Variants in TANC2 observed in about 807,000 individuals in gnomAD.
TANC2 encodes tetratricopeptide repeat, ankyrin repeat and coiled-coil containing 2, also known as protein TANC2.
TANC2 carries 26 observed loss-of-function variants against 210.5 expected under a neutral mutation model. The observed-to-expected ratio is 0.12, with a 90% CI of 0.09 to 0.17. The LOEUF (loss-of-function observed/expected upper bound fraction) is 0.17, where lower values mean the gene tolerates loss of function less well. TANC2 is among the 10% of genes least tolerant of loss of function. TANC2 has a pLI of 1.00. For synonymous variants in TANC2, 931 were observed against 967.1 expected (o/e 0.96, Z 0.69); for missense variants, 2,129 against 2,608.9 (o/e 0.82, Z 4.01).
intron 1 of TANC2, among the ~76,000 whole-genome samples, chr17:63,002,824 C>T (rs2033448060): frequency 6.6e-6 from 1 of 152,192 alleles, no homozygotes; most frequent in South Asian, 2.1e-4. Context: ...GTAGTTCATT[C>T]CTTTTTCTTG....
At chr17:62,986,691 G>A (rs1447234145) in intron 1 of TANC2, among the ~76,000 whole-genome samples, 1 of 152,176 alleles carries the variant, frequency 6.6e-6, no homozygotes, top group Non-Finnish European at 1.5e-5. Flanking sequence ...GGCCCACAGG[G>A]CTGCTTCAAA....
exon 12 of TANC2, chr17:63,340,184 C>T: frequency 6.2e-7 from 1 of 1,613,970 alleles, no homozygotes; most frequent in Non-Finnish European, 8.5e-7. Context: ...CTGCCTTGCT[C>T]TGCCGCTCAC....
At chr17:63,255,558 G>C (rs1266335835) in intron 8 of TANC2, among the ~76,000 whole-genome samples, 7 of 152,044 alleles carry the variant, frequency 4.6e-5, no homozygotes, top group Non-Finnish European at 1.0e-4. Flanking sequence ...TGTATGTTGA[G>C]GAATTTATCC....
rs1599094512 is a variant in TANC2, at chr17:63,420,600, C to T, written c.4870C>T (p.Pro1624Ser). The T allele has an allele frequency of 6.2e-7, 1 of 1,613,888 alleles. No homozygotes were observed. The highest frequency in any genetic ancestry group is 8.5e-7 in the Non-Finnish European group (1 of 1,179,828). Reference sequence around the variant, plus strand: ...TCCCCCTTCCCCTCTCCGGAGAGGCCCTCAGTATCGGGCCAGCCCTCCAGC... The same window carrying T: ...TCCCCCTTCCCCTCTCCGGAGAGGCTCTCAGTATCGGGCCAGCCCTCCAGC... Residue 1624 changes from proline (P) to serine (S), a missense_variant, in exon 28 of 28, where the codon CCT becomes TCT. Transcript: ENST00000689528. This position sits in a 1 kb window ranked among gnomAD's most constrained non-coding sequence, Gnocchi z 4.2.
intron 7 of TANC2, among the ~76,000 whole-genome samples, chr17:63,210,559 T>C (rs900178460): frequency 6.6e-6 from 1 of 152,212 alleles, no homozygotes; most frequent in African/African-American, 2.4e-5. Flanking sequence ...ACTCTCGGGA[T>C]TTAGCATAAT....
At chr17:63,310,490 T>G (rs2045085029) in intron 9 of TANC2, among the ~76,000 whole-genome samples, 1 of 151,888 alleles carries the variant, frequency 6.6e-6, no homozygotes, top group South Asian at 2.1e-4. Flanking sequence ...AAAGAAAAAT[T>G]TTAAAGGCAA....
intron 9 of TANC2, among the ~76,000 whole-genome samples, chr17:63,277,176 T>C (rs2043903294): frequency 6.6e-6 from 1 of 152,146 alleles, no homozygotes; most frequent in Admixed American, 6.6e-5. Flanking sequence ...GACCAGACCC[T>C]GAGGGTTCAG....
intron 5 of TANC2, among the ~76,000 whole-genome samples, chr17:63,192,817 CTAAA>C (rs1187316077): frequency 2.0e-5 from 3 of 152,110 alleles, no homozygotes; most frequent in Admixed American, 6.6e-5. Flanking sequence ...TAAGTATATG[CTAAA>C]TAAATATATA....
chr17:63,171,617 T>G (rs1300649314), intron 5 of TANC2, among the ~76,000 whole-genome samples: 4 of 152,162 alleles, frequency 2.6e-5, no homozygotes, highest in Admixed American at 1.3e-4. Context: ...TAAAATACAG[T>G]CTAGATTTCT....
chr17:63,075,565 G>C (rs921729171), intron 3 of TANC2, among the ~76,000 whole-genome samples: 6 of 151,936 alleles, frequency 3.9e-5, no homozygotes, highest in African/African-American at 1.2e-4. Flanking sequence ...TTGCTTTGTC[G>C]CCTAGGCTGG....
intron 2 of TANC2, among the ~76,000 whole-genome samples, chr17:63,036,400 G>A (rs960645153): frequency 3.9e-5 from 6 of 152,208 alleles, no homozygotes; most frequent in African/African-American, 1.4e-4. Context: ...CTTTTGCACT[G>A]TTGTTAAAAA....
At chr17:63,031,667 C>T (rs1297931847) in intron 2 of TANC2, among the ~76,000 whole-genome samples, 1 of 152,038 alleles carries the variant, frequency 6.6e-6, no homozygotes, top group East Asian at 1.9e-4. Context: ...GTTATTTTTC[C>T]ATCCCTGATT....
At chr17:63,007,502 T>C (rs1315646953) in intron 1 of TANC2, among the ~76,000 whole-genome samples, 2 of 152,206 alleles carry the variant, frequency 1.3e-5, no homozygotes, top group Non-Finnish European at 2.9e-5. Flanking sequence ...TTGTCTTACA[T>C]TTATCCACAG....
intron 26 of TANC2, among the ~76,000 whole-genome samples, chr17:63,416,169 G>T (rs551751701): frequency 6.6e-6 from 1 of 152,260 alleles, no homozygotes; most frequent in Admixed American, 6.5e-5. Flanking sequence ...ATCCCAGCAT[G>T]CTATGTCCCT....
chr17:63,131,705 C>T (rs564393578), intron 4 of TANC2, among the ~76,000 whole-genome samples: 1 of 152,264 alleles, frequency 6.6e-6, no homozygotes, highest in East Asian at 1.9e-4. Context: ...TGTTAAAACA[C>T]AGATTGCTGT....
intron 11 of TANC2, among the ~76,000 whole-genome samples, chr17:63,335,505 C>G (rs889020877): frequency 7.3e-5 from 11 of 151,458 alleles, no homozygotes; most frequent in African/African-American, 2.7e-4. Context: ...CCCAGCTACT[C>G]AGGAGGTTGA....
intron 12 of TANC2, among the ~76,000 whole-genome samples, chr17:63,346,675 C>T (rs936657756): frequency 2.0e-5 from 3 of 152,156 alleles, no homozygotes; most frequent in Non-Finnish European, 4.4e-5. Context: ...TGGGACTATA[C>T]AATAGCGCTA....
intron 9 of TANC2, among the ~76,000 whole-genome samples, chr17:63,298,993 A>C (rs767163721): frequency 6.6e-6 from 1 of 151,054 alleles, no homozygotes; most frequent in Admixed American, 6.6e-5. Context: ...TCAGTGTTCA[A>C]CTCCCACTTA....
intron 2 of TANC2, among the ~76,000 whole-genome samples, chr17:63,013,360 T>C (rs2033957904): frequency 6.6e-6 from 1 of 152,248 alleles, no homozygotes; most frequent in Admixed American, 6.5e-5. Flanking sequence ...GCTGTTAGTC[T>C]AATTGCTACT....
Sources: allele counts gnomAD v4.1 joint callset (sites outside exome capture counted in the v4.1 genomes callset), GRCh38; gene constraint gnomAD v4.1.1; non-coding constraint Gnocchi (gnomAD v3.1); transcripts MANE v1.5; gene names NCBI Gene and HGNC (gene_info 2026-07-23, HGNC 2026-07-21).